The following RGS7BP variants were observed in gnomAD, a reference collection of about 807,000 sequenced individuals.
RGS7BP encodes regulator of G protein signaling 7-binding protein.
In RGS7BP, 9 loss-of-function variants were observed where a neutral mutation model predicts 31.3. The ratio of observed to expected loss-of-function variants is 0.29; its 90% CI spans 0.17 to 0.50. The LOEUF is 0.50. Ranked by LOEUF, RGS7BP falls within the 20% of genes least tolerant of loss-of-function variation. The pLI is 0.98. For synonymous variants in RGS7BP, 115 were observed against 120.1 expected, an observed-to-expected ratio of 0.96 and a Z score of 0.28; for missense variants, 274 against 322.0, an observed-to-expected ratio of 0.85 and a Z score of 1.14.
At chr5:64,542,237 G>C (rs969405822) in intron 2 of RGS7BP, among the ~76,000 whole-genome samples, 2 of 152,204 alleles carry the variant, frequency 1.3e-5, no homozygotes, top group African/African-American at 4.8e-5. Context: ...AACCAACATG[G>C]AAGAGTTACT....
rs189389837 is a variant in RGS7BP at position 64,580,378 on chromosome 5, G to A, written c.463+4474G>A. 5.7e-3 allele frequency among the ~76,000 whole-genome samples: 861 copies of A among 152,180 alleles called. 5 individuals are homozygous for A. Among genetic ancestry groups the A allele is most frequent in the Non-Finnish European group, 8.9e-3 (604 of 68,008 alleles). ...AAATGGGGAAGGAATGGGGAGCAAG[G>A]CTATGCTAATATGACTTAAGGCCCT... On this transcript the variant is annotated intron_variant, in intron 3 of 5. Coordinates refer to ENST00000334025, the MANE Select transcript of RGS7BP (RefSeq NM_001029875.3).
At position 64,545,060 on chromosome 5, in the gene RGS7BP, C is replaced by T. The variant is rs1035675501; in HGVS notation, c.333-30714C>T. Reference sequence around the variant, plus strand: ...GTGTGGTGGTGGGCACCTGTAGTCCCAGCTACTCAGGAGGCTGAGGCAGGA... The same window carrying T: ...GTGTGGTGGTGGGCACCTGTAGTCCTAGCTACTCAGGAGGCTGAGGCAGGA... On this transcript the variant is annotated intron_variant, in intron 2 of 5. Coordinates refer to ENST00000334025, the MANE Select transcript of RGS7BP (RefSeq NM_001029875.3). Among the ~76,000 whole-genome samples the T allele has an allele frequency of 7.9e-5, 12 of 151,866 alleles. No individual in the cohort carries two copies. In the East Asian group the frequency reaches 2.3e-3, roughly 30 times the overall value.
At chr5:64,535,055 A>G (rs1253834501) in intron 2 of RGS7BP, among the ~76,000 whole-genome samples, 1 of 152,150 alleles carries the variant, frequency 6.6e-6, no homozygotes, top group African/African-American at 2.4e-5. Flanking sequence ...TGAAATGTCC[A>G]GTAAGATAAG....
chr5:64,553,531 C>CT (rs953648139), intron 2 of RGS7BP, among the ~76,000 whole-genome samples: 17 of 150,902 alleles, frequency 1.1e-4, no homozygotes, highest in Non-Finnish European at 1.8e-4. Context: ...CAAAATGACA[C>CT]TTTTTTTTTC....
chr5:64,506,922 A>G lies in RGS7BP; in HGVS notation c.165+133A>G. The stretch of plus-strand genomic sequence containing the variant: ...CTCCTCAATGCCGATCACGTGGCAC[A>G]TGCACTATTTTTAAATCTGCAGTCC... On this transcript the variant is annotated intron_variant, in intron 1 of 5. Transcript: ENST00000334025. This position sits in a 1 kb window ranked among gnomAD's most constrained non-coding sequence, Gnocchi z 4.6. 1 of 811,394 alleles carries G rather than the reference A, an allele frequency of 1.2e-6. No homozygotes were observed. The highest frequency in any genetic ancestry group is 1.7e-5 in the African/African-American group (1 of 57,720). The allele number at this position is 811,394 out of a possible 1,614,324, so 50.3% of individuals were successfully genotyped here.
intron 2 of RGS7BP, among the ~76,000 whole-genome samples, chr5:64,533,092 C>T (rs561137551): frequency 1.3e-5 from 2 of 152,314 alleles, no homozygotes; most frequent in Admixed American, 1.3e-4. Flanking sequence ...AGAACTCTTC[C>T]CTCTTGCTAT....
chr5:64,601,867 A>T lies in RGS7BP; in HGVS notation c.682+3432A>T, dbSNP rs571955007. On this transcript the variant is annotated intron_variant, in intron 5 of 5. Coordinates refer to ENST00000334025, the MANE Select transcript of RGS7BP (RefSeq NM_001029875.3). ...TGCATGCTGTTATCAAACAAAACAAATCAGCAGAAATAAATTAAGCCTGAA... is the reference window on the plus strand; with the variant it reads ...TGCATGCTGTTATCAAACAAAACAATTCAGCAGAAATAAATTAAGCCTGAA... Among the ~76,000 whole-genome samples, 3 of 152,230 alleles carry T rather than the reference A, an allele frequency of 2.0e-5. No homozygotes were observed. The South Asian group carries it at 6.2e-4, about 32-fold the overall frequency.
At chr5:64,570,743 C>T (rs1335872534) in intron 2 of RGS7BP, among the ~76,000 whole-genome samples, 1 of 151,956 alleles carries the variant, frequency 6.6e-6, no homozygotes, top group African/African-American at 2.4e-5. Context: ...AATGTAAATC[C>T]TCAGTCATCA....
At chr5:64,600,082 T>C (rs1242973185) in intron 5 of RGS7BP, among the ~76,000 whole-genome samples, 1 of 152,184 alleles carries the variant, frequency 6.6e-6, no homozygotes, top group African/African-American at 2.4e-5. Flanking sequence ...CCACGTGTAG[T>C]GTATATGTCA....
At chr5:64,581,120 G>A (rs1167936230) in intron 3 of RGS7BP, among the ~76,000 whole-genome samples, 1 of 152,078 alleles carries the variant, frequency 6.6e-6, no homozygotes, top group African/African-American at 2.4e-5. Flanking sequence ...AGGCTGAGGT[G>A]GGAGGATTGC....
intron 2 of RGS7BP, among the ~76,000 whole-genome samples, chr5:64,525,940 C>A (rs1017172148): frequency 9.2e-5 from 14 of 152,082 alleles, no homozygotes; most frequent in African/African-American, 3.4e-4. Flanking sequence ...AGCAGGAAGC[C>A]CCCAGGAGCA....
At chr5:64,541,196 A>G (rs1741519051) in intron 2 of RGS7BP, among the ~76,000 whole-genome samples, 1 of 152,048 alleles carries the variant, frequency 6.6e-6, no homozygotes, top group Non-Finnish European at 1.5e-5. Flanking sequence ...CCACATGACA[A>G]GAGTGGGAAC....
chr5:64,580,893 A>G (rs1353405331), intron 3 of RGS7BP, among the ~76,000 whole-genome samples: 2 of 152,106 alleles, frequency 1.3e-5, no homozygotes. Context: ...TAGAATCTCT[A>G]TCTGGTTTGT....
intron 2 of RGS7BP, among the ~76,000 whole-genome samples, chr5:64,523,175 A>G (rs1749150145): frequency 6.6e-6 from 1 of 152,230 alleles, no homozygotes; most frequent in East Asian, 1.9e-4. Context: ...CTCCAAACCC[A>G]GGTCCAGCAG....
chr5:64,558,781 T>A (rs553024022), intron 2 of RGS7BP, among the ~76,000 whole-genome samples: 2 of 152,138 alleles, frequency 1.3e-5, no homozygotes, highest in East Asian at 3.9e-4. Context: ...TTAACAGCCC[T>A]GGGAAAAGAA....
At chr5:64,563,602 G>A (rs1742103684) in intron 2 of RGS7BP, among the ~76,000 whole-genome samples, 1 of 152,110 alleles carries the variant, frequency 6.6e-6, no homozygotes, top group African/African-American at 2.4e-5. Flanking sequence ...TAGAAGCACA[G>A]AGCAGTTTCT....
chr5:64,539,787 C>A (rs1249510362), intron 2 of RGS7BP: 3 of 152,062 alleles, frequency 2.0e-5, no homozygotes, highest in Non-Finnish European at 4.4e-5. Flanking sequence ...CATAGTGAAA[C>A]CCTCTTTTAA....
At chr5:64,601,145 T>C (rs1393431693) in intron 5 of RGS7BP, among the ~76,000 whole-genome samples, 2 of 152,214 alleles carry the variant, frequency 1.3e-5, no homozygotes, top group Non-Finnish European at 2.9e-5. Context: ...AAAACCATTA[T>C]AGAAAGCCAT....
chr5:64,548,135 G>T (rs1320589174), intron 2 of RGS7BP, among the ~76,000 whole-genome samples: 1 of 151,976 alleles, frequency 6.6e-6, no homozygotes, highest in Admixed American at 6.6e-5. Flanking sequence ...TATTGTTGCA[G>T]TAAATAAATA....
Sources: gnomAD v4.1 joint callset for allele counts (sites outside exome capture counted in the v4.1 genomes callset) on GRCh38, gnomAD v4.1.1 for gene constraint, Gnocchi (gnomAD v3.1) non-coding constraint, MANE v1.5 for transcripts, NCBI Gene and HGNC (gene_info 2026-07-23, HGNC 2026-07-21) for gene names.